The following NEUROG3 variants were observed in gnomAD, a reference collection of about 807,000 sequenced individuals.
NEUROG3 encodes neurogenin 3.
For synonymous variants in NEUROG3, 161 were observed against 139.2 expected, an observed-to-expected ratio of 1.16 and a Z score of -1.10; for missense variants, 307 against 297.9, an observed-to-expected ratio of 1.03 and a Z score of -0.22.
chr10:69,571,596 A>T (rs576369481), downstream of NEUROG3: 1 of 152,356 alleles, frequency 6.6e-6, no homozygotes, highest in South Asian at 2.1e-4. Flanking sequence ...AATAAATACA[A>T]ATGTGTAAAA....
chr10:69,573,106 C>A, intron 1 of NEUROG3, 62 bp from the exon 2 acceptor site: 1 of 1,586,504 alleles, frequency 6.3e-7, no homozygotes, highest in Non-Finnish European at 8.6e-7. Flanking sequence ...TCCGCGATTC[C>A]GAGGCTAGGT....
At position 69,572,175 on chromosome 10, in the gene NEUROG3, CG is replaced by C; in HGVS notation, c.*223del. ...CGCACTTTGCAATGCCCACTTCGCG[CG>C]GGCAGCAGCAAGGGTTGCGTGCGTT... On this transcript the variant is annotated 3_prime_UTR_variant, in exon 2 of 2. Coordinates refer to ENST00000242462, the MANE Select transcript of NEUROG3 (RefSeq NM_020999.4). 1 of 601,972 alleles carries C rather than the reference CG, an allele frequency of 1.7e-6. No homozygotes were observed. The highest frequency in any genetic ancestry group is 2.9e-6 in the Non-Finnish European group (1 of 340,322). The allele number at this position is 601,972 out of a possible 1,614,324, so 37.3% of individuals were successfully genotyped here.
chr10:69,572,578 A>C lies in NEUROG3; in HGVS notation c.466T>G (p.Cys156Gly). Residue 156 changes from cysteine to glycine, a missense_variant, in exon 2 of 2, where the codon TGC becomes GGC. By Grantham distance (159) the Cys-to-Gly change is radical. Transcript: ENST00000242462. ...LYALEPPAPH[C>G]GELGSPGGSP... ...CCGCCTGGGCTGCCCAGCTCCCCGC[A>C]GTGCGGCGCCGGCGGCTCCAGCGCG... 2 of 1,613,456 alleles carry C rather than the reference A, an allele frequency of 1.2e-6. No homozygotes were observed. The highest frequency in any genetic ancestry group is 1.7e-6 in the Non-Finnish European group (2 of 1,179,736).
chr10:69,573,029 G>T lies in NEUROG3; in HGVS notation c.15C>A (p.Pro5=), dbSNP rs1245493471. The T allele has an allele frequency of 1.2e-6, 2 of 1,613,494 alleles. No individual in the cohort carries two copies. Among genetic ancestry groups the T allele is most frequent in the Non-Finnish European group, 1.7e-6 (2 of 1,179,992 alleles). Residue 5 remains proline, a synonymous_variant, in exon 2 of 2, where the codon CCC becomes CCA. Transcript: ENST00000242462. ...TCACTTGGACAGTGGGCGCACCCGA[G>T]GGTTGAGGCGTCATCCTACGGCGGG... MTPQ[P]SGAPTVQVTR...
In NEUROG3 at chr10:69,573,047, A is replaced by G. The variant is rs1438188172; in HGVS notation, c.-1-3T>C. On this transcript the variant is annotated splice_polypyrimidine_tract_variant and splice_region_variant and intron_variant, in intron 1 of 1. Transcript: ENST00000242462. ...CACCCGAGGGTTGAGGCGTCATCCT[A>G]CGGCGGGGTCAGAGGGAAGGGTAAG... 1 of 1,612,926 alleles carries G rather than the reference A, an allele frequency of 6.2e-7. No individual in the cohort carries two copies. The highest frequency in any genetic ancestry group is 8.5e-7 in the Non-Finnish European group (1 of 1,179,824).
Position 69,572,872 on chromosome 10 carries a change from G to T in NEUROG3, c.172C>A (p.Pro58Thr), listed in dbSNP as rs751677594. The T allele has an allele frequency of 2.5e-6, 4 of 1,609,616 alleles. No homozygotes were observed. Among genetic ancestry groups the T allele is most frequent in the Non-Finnish European group, 3.4e-6 (4 of 1,178,386 alleles). The stretch of plus-strand genomic sequence containing the variant: ...CCGCGCCGTGCCCGGAGCTTCCTCG[G>T]GGCCCCTCGGCAGCCTCCCTCTTCC... ...EAEEGGCRGA[P>T]RKLRARRGGR... Residue 58 changes from proline (P) to threonine (T), a missense_variant, in exon 2 of 2, where the codon CCG (proline) becomes ACG (threonine). Physicochemically the swap from Pro to Thr is conservative, Grantham distance 38. Transcript: ENST00000242462.
At position 69,572,151 on chromosome 10, in the gene NEUROG3, G is replaced by T; in HGVS notation, c.*248C>A. 3.4e-6 allele frequency: 2 copies of T among 583,656 alleles called. No individual in the cohort carries two copies. The highest frequency in any genetic ancestry group is 6.1e-6 in the Non-Finnish European group (2 of 326,970). 36.2% of individuals were successfully genotyped at this position (583,656 alleles called of 1,614,324 possible). A position where few individuals can be genotyped will look rare whatever the true frequency, so the allele number is the denominator to read the frequency against. On this transcript the variant is annotated 3_prime_UTR_variant, in exon 2 of 2. Transcript: ENST00000242462. ...GGCAGAGAGGAGGCCTAAAATGAGC[G>T]CACTTTGCAATGCCCACTTCGCGCG... is the stretch of plus-strand genomic sequence containing the variant.
rs765641065 is a variant in NEUROG3 at position 69,572,858 on chromosome 10, C to G, written c.186G>C (p.Arg62=). The change falls in exon 2 of 2, where the codon CGG becomes CGC. Residue 62 remains arginine, a synonymous_variant. Coordinates refer to ENST00000242462, the MANE Select transcript of NEUROG3 (RefSeq NM_020999.4). Reference sequence around the variant, plus strand: ...GCCGGCTGCGTCCCCCGCGCCGTGCCCGGAGCTTCCTCGGGGCCCCTCGGC... The same window carrying G: ...GCCGGCTGCGTCCCCCGCGCCGTGCGCGGAGCTTCCTCGGGGCCCCTCGGC... The part of the protein sequence containing the change: ...GGCRGAPRKL[R]ARRGGRSRPK... 1.2e-6 allele frequency: 2 copies of G among 1,609,860 alleles called. No individual in the cohort carries two copies. The highest frequency in any genetic ancestry group is 1.3e-5 in the African/African-American group (1 of 74,866).
chr10:69,572,565 C>A lies in NEUROG3; in HGVS notation c.479G>T (p.Gly160Val). The change falls in exon 2 of 2, where the codon GGC (glycine) becomes GTC (valine). Residue 160 changes from glycine (G) to valine (V), a missense_variant. Gly to Val is a moderately radical substitution (Grantham distance 109, BLOSUM62 -3). Transcript: ENST00000242462. ...EPPAPHCGEL[G>V]SPGGSPGDWG... is the part of the protein sequence containing the mutation. Reference sequence around the variant, plus strand: ...GTCCCCGGGGGAACCGCCTGGGCTGCCCAGCTCCCCGCAGTGCGGCGCCGG... The same window carrying A: ...GTCCCCGGGGGAACCGCCTGGGCTGACCAGCTCCCCGCAGTGCGGCGCCGG... The A allele has an allele frequency of 6.2e-7, 1 of 1,612,552 alleles. No individual in the cohort carries two copies. Among genetic ancestry groups the A allele is most frequent in the Non-Finnish European group, 8.5e-7 (1 of 1,179,354 alleles).
rs766038601 is a variant in NEUROG3, at chr10:69,572,555, G to T, written c.489C>A (p.Gly163=). 4 of 1,611,032 alleles carry T rather than the reference G, an allele frequency of 2.5e-6. No homozygotes were observed. Among genetic ancestry groups the T allele is most frequent in the Admixed American group, 1.7e-5 (1 of 59,632 alleles). Residue 163 remains glycine, a synonymous_variant, in exon 2 of 2, where the codon GGC becomes GGA. Coordinates refer to ENST00000242462, the MANE Select transcript of NEUROG3 (RefSeq NM_020999.4). ...GGGACCCCCAGTCCCCGGGGGAACC[G>T]CCTGGGCTGCCCAGCTCCCCGCAGT... is the stretch of plus-strand genomic sequence containing the variant. The part of the protein sequence containing the change: ...APHCGELGSP[G]GSPGDWGSLY...
At position 69,572,863 on chromosome 10, in the gene NEUROG3, G is replaced by A. The variant is rs149042847; in HGVS notation, c.181C>T (p.Leu61Phe). ...EGGCRGAPRK[L>F]RARRGGRSRP... Reference sequence around the variant, plus strand: ...CTGCGTCCCCCGCGCCGTGCCCGGAGCTTCCTCGGGGCCCCTCGGCAGCCT... The same window carrying A: ...CTGCGTCCCCCGCGCCGTGCCCGGAACTTCCTCGGGGCCCCTCGGCAGCCT... Residue 61 changes from leucine (L) to phenylalanine (F), a missense_variant, in exon 2 of 2, where the codon CTC (leucine) becomes TTC (phenylalanine). By Grantham distance (22) the Leu-to-Phe change is conservative. Coordinates refer to ENST00000242462, the MANE Select transcript of NEUROG3 (RefSeq NM_020999.4). 2.7e-4 allele frequency: 432 copies of A among 1,609,772 alleles called. No individual in the cohort carries two copies. Among genetic ancestry groups the A allele is most frequent in the Non-Finnish European group, 3.5e-4 (416 of 1,178,494 alleles).
At position 69,572,817 on chromosome 10, in the gene NEUROG3, G is replaced by T; in HGVS notation, c.227C>A (p.Ala76Glu). ...GGRSRPKSEL[A>E]LSKQRRSRRK... ...CCGACTCCGTCGCTGCTTGCTCAGT[G>T]CCAACTCGCTCTTAGGCCGGCTGCG... is the stretch of plus-strand genomic sequence containing the variant. The change falls in exon 2 of 2, where the codon GCA (alanine) becomes GAA (glutamate). Residue 76 changes from alanine (A) to glutamate (E), a missense_variant. By Grantham distance (107) the Ala-to-Glu change is moderately radical. Transcript: ENST00000242462. 6.2e-7 allele frequency: 1 copy of T among 1,612,554 alleles called. No individual in the cohort carries two copies. Among genetic ancestry groups the T allele is most frequent in the Non-Finnish European group, 8.5e-7 (1 of 1,179,382 alleles).
Position 69,572,535 on chromosome 10 carries a change from C to T in NEUROG3, c.509G>A (p.Gly170Glu), listed in dbSNP as rs1247980122. 3 of 1,604,338 alleles carry T rather than the reference C, an allele frequency of 1.9e-6. No individual in the cohort carries two copies. Among genetic ancestry groups the T allele is most frequent in the South Asian group, 2.2e-5 (2 of 90,072 alleles). ...GSPGGSPGDW[G>E]SLYSPVSQAG... Reference sequence around the variant, plus strand: ...CTGGGAGACTGGGGAGTAGAGGGACCCCCAGTCCCCGGGGGAACCGCCTGG... The same window carrying T: ...CTGGGAGACTGGGGAGTAGAGGGACTCCCAGTCCCCGGGGGAACCGCCTGG... Residue 170 changes from glycine (G) to glutamate (E), a missense_variant, in exon 2 of 2, where the codon GGG (glycine) becomes GAG (glutamate). Physicochemically the swap from Gly to Glu is moderately conservative, Grantham distance 98. Transcript: ENST00000242462.
In NEUROG3 at chr10:69,572,488, C is replaced by T. The variant is rs1839226427; in HGVS notation, c.556G>A (p.Ala186Thr). The T allele has an allele frequency of 6.3e-7, 1 of 1,588,950 alleles. No homozygotes were observed. Among genetic ancestry groups the T allele is most frequent in the South Asian group, 1.1e-5 (1 of 88,624 alleles). The change falls in exon 2 of 2, where the codon GCG becomes ACG. Residue 186 changes from alanine to threonine, a missense_variant. Transcript: ENST00000242462. ...AGCCCGGGTCGCTCCTCCAGCGACG[C>T]GGCGGGACTCAGGCTGCCAGCCTGG... is the stretch of plus-strand genomic sequence containing the variant. Reference protein sequence around the residue: ...VSQAGSLSPAASLEERPGLLG... With the variant: ...VSQAGSLSPATSLEERPGLLG...
chr10:69,572,455 C>G lies in NEUROG3; in HGVS notation c.589G>C (p.Ala197Pro). 3 of 1,587,594 alleles carry G rather than the reference C, an allele frequency of 1.9e-6. No homozygotes were observed. Among genetic ancestry groups the G allele is most frequent in the African/African-American group, 1.3e-5 (1 of 74,406 alleles). Residue 197 changes from alanine (A) to proline (P), a missense_variant, in exon 2 of 2, where the codon GCC becomes CCC. Ala to Pro is a conservative substitution (Grantham distance 27, BLOSUM62 -1). Coordinates refer to ENST00000242462, the MANE Select transcript of NEUROG3 (RefSeq NM_020999.4). ...SLEERPGLLG[A>P]TFSACLSPGS... ...GGGCTCAAGCAGGCGGAAAAGGTGG[C>G]CCCCAGCAGCCCGGGTCGCTCCTCC... is the stretch of plus-strand genomic sequence containing the variant.
Position 69,572,980 on chromosome 10 carries a change from G to T in NEUROG3, c.64C>A (p.Pro22Thr). The T allele has an allele frequency of 6.2e-7, 1 of 1,613,690 alleles. No homozygotes were observed. Among genetic ancestry groups the T allele is most frequent in the Middle Eastern group, 1.7e-4 (1 of 6,060 alleles). ...QVTRETERSFPRASEDEVTCP... is the reference protein window; with the variant it reads ...QVTRETERSFTRASEDEVTCP... ...GTCACTTCGTCTTCCGAGGCTCTGG[G>T]GAAGGACCGCTCCGTCTCACGGGTC... is the stretch of plus-strand genomic sequence containing the variant. Residue 22 changes from proline (P) to threonine (T), a missense_variant, in exon 2 of 2, where the codon CCC becomes ACC. Physicochemically the swap from Pro to Thr is conservative, Grantham distance 38. Coordinates refer to ENST00000242462, the MANE Select transcript of NEUROG3 (RefSeq NM_020999.4).
In NEUROG3 at chr10:69,572,729, G is replaced by A. The variant is rs1839232028; in HGVS notation, c.315C>T (p.Ala105=). Residue 105 remains alanine (A), a synonymous_variant, in exon 2 of 2, where the codon GCC becomes GCT. Transcript: ENST00000242462. ...GGAAGGTGGGCAGGACACCGCGCAGGGCGTCCAGTGCCGAGTTGAGGTTGT... is the reference window on the plus strand; with the variant it reads ...GGAAGGTGGGCAGGACACCGCGCAGAGCGTCCAGTGCCGAGTTGAGGTTGT... ...RMHNLNSALD[A]LRGVLPTFPD... is the part of the protein sequence containing the mutation. 1.9e-6 allele frequency: 3 copies of A among 1,614,132 alleles called. No homozygotes were observed. The highest frequency in any genetic ancestry group is 1.7e-5 in the Admixed American group (1 of 60,030).
In NEUROG3 at chr10:69,572,483, C is replaced by T; in HGVS notation, c.561G>A (p.Ser187=). ...SQAGSLSPAA[S]LEERPGLLGA... ...CCAGCAGCCCGGGTCGCTCCTCCAG[C>T]GACGCGGCGGGACTCAGGCTGCCAG... The change falls in exon 2 of 2, where the codon TCG becomes TCA. Residue 187 remains serine (S), a synonymous_variant. Coordinates refer to ENST00000242462, the MANE Select transcript of NEUROG3 (RefSeq NM_020999.4). The T allele has an allele frequency of 1.3e-6, 2 of 1,589,450 alleles. No individual in the cohort carries two copies. The highest frequency in any genetic ancestry group is 1.7e-6 in the Non-Finnish European group (2 of 1,168,736).
chr10:69,572,262 G>T lies in NEUROG3; in HGVS notation c.*137C>A. 6 of 1,053,416 alleles carry T rather than the reference G, an allele frequency of 5.7e-6. No individual in the cohort carries two copies. The highest frequency in any genetic ancestry group is 1.5e-5 in the South Asian group (1 of 65,802). 65.3% of individuals were successfully genotyped at this position (1,053,416 alleles called of 1,614,324 possible). On this transcript the variant is annotated 3_prime_UTR_variant, in exon 2 of 2. Transcript: ENST00000242462. ...TGCCGCCCCCGTGGAGGCCTGGGCC[G>T]GCCAGGGGTCAGCCAGGGAGAAGCA... is the stretch of plus-strand genomic sequence containing the variant.
Sources: allele counts gnomAD v4.1 joint callset, GRCh38; gene constraint gnomAD v4.1.1; transcripts MANE v1.5; gene names NCBI Gene and HGNC (gene_info 2026-07-23, HGNC 2026-07-21).